CTDP1: variants seen among roughly 807,000 people sequenced by gnomAD.
CTDP1 encodes the protein RNA polymerase II subunit A C-terminal domain phosphatase.
A neutral mutation model predicts 91.8 loss-of-function variants in CTDP1; 47 were observed. That is an observed-to-expected ratio of 0.51 (90% CI 0.41 to 0.65). The LOEUF (loss-of-function observed/expected upper bound fraction) is 0.65, where lower values mean the gene tolerates loss of function less well. Ranked by LOEUF, CTDP1 falls within the 30% of genes least tolerant of loss-of-function variation. The pLI is 0.00. For missense variants in CTDP1, 1,272 were observed against 1,373.7 expected (o/e 0.93, Z 1.17); for synonymous variants, 656 against 598.5 (o/e 1.10, Z -1.40).
intron 4 of CTDP1, among the ~76,000 whole-genome samples, chr18:79,699,230 G>A (rs916823622): frequency 1.3e-5 from 2 of 152,006 alleles, no homozygotes; most frequent in Non-Finnish European, 2.9e-5. Context: ...AGATTGCTTC[G>A]TTCATACCCG....
Position 79,715,115 on chromosome 18 carries a change from A to G in CTDP1, c.1655A>G (p.Lys552Arg), listed in dbSNP as rs2086176265. Residue 552 changes from lysine (K) to arginine (R), a missense_variant, in exon 8 of 13, where the codon AAG becomes AGG. Physicochemically the swap from Lys to Arg is conservative, Grantham distance 26. Around this residue, in one of 3 missense-constraint regions of CTDP1, gnomAD observed 881 missense variants for 911.6 expected, o/e 0.97. Coordinates refer to ENST00000613122, the MANE Select transcript of CTDP1 (RefSeq NM_004715.5). ...CGLGNGCADR[K>R]EAETESQNSE... ...CTGGGCAACGGCTGTGCCGACAGGA[A>G]GGAGGCGGAGACCGAGTCACAGAAC... The G allele has an allele frequency of 6.2e-7, 1 of 1,613,232 alleles. No individual in the cohort carries two copies. Among genetic ancestry groups the G allele is most frequent in the Admixed American group, 1.7e-5 (1 of 59,976 alleles).
chr18:79,743,437 A>G (rs2086818449), intron 12 of CTDP1, among the ~76,000 whole-genome samples: 4 of 149,448 alleles, frequency 2.7e-5, no homozygotes, highest in Admixed American at 6.8e-5. Context: ...GAGGCAGGAG[A>G]ATTGCTTGAA....
At chr18:79,712,774 G>A (rs143790953) in intron 6 of CTDP1, among the ~76,000 whole-genome samples, 198 bp from the exon 7 acceptor site, 236 of 152,260 alleles carry the variant, frequency 1.5e-3, no homozygotes, top group African/African-American at 5.4e-3. Context: ...AAGGAGAATC[G>A]GAAACAGCAC....
intron 3 of CTDP1, among the ~76,000 whole-genome samples, chr18:79,697,012 C>CT (rs1245451097): frequency 6.6e-6 from 1 of 152,230 alleles, no homozygotes; most frequent in Non-Finnish European, 1.5e-5. Flanking sequence ...CAATTTCAGT[C>CT]TATCTTTTTA....
At position 79,736,904 on chromosome 18, in the gene CTDP1, G is replaced by GGT. The variant is rs34988895; in HGVS notation, c.2747+385_2747+386dup. On this transcript the variant is annotated intron_variant, in intron 12 of 12. Transcript: ENST00000613122. ...CGCACAGGCGTGTGTGGGTTCTGCA[G>GGT]GTGGGGGGTCTGCACGTGTGCACGC... 6.0e-4 allele frequency among the ~76,000 whole-genome samples: 17 copies of GGT among 28,526 alleles called. No homozygotes were observed. The East Asian group carries it at 0.025, about 42-fold the overall frequency. 18.7% of individuals were successfully genotyped at this position (28,526 alleles called of 152,430 possible). A position where few individuals can be genotyped will look rare whatever the true frequency, so the allele number is the denominator to read the frequency against.
intron 8 of CTDP1, 49 bp downstream of exon 8, chr18:79,715,577 C>T (rs2122638986): frequency 6.6e-7 from 1 of 1,505,154 alleles, no homozygotes; most frequent in Non-Finnish European, 8.9e-7. Flanking sequence ...CCGCGGGCTC[C>T]TTGCAGGCAC....
At chr18:79,751,875 C>A (rs1697614232) in intron 12 of CTDP1, among the ~76,000 whole-genome samples, 1 of 152,224 alleles carries the variant, frequency 6.6e-6, no homozygotes, top group African/African-American at 2.4e-5. Flanking sequence ...AGGGTACTCA[C>A]ATATGGTGAC....
chr18:79,684,722 T>G (rs2085449304), intron 1 of CTDP1, among the ~76,000 whole-genome samples: 1 of 152,248 alleles, frequency 6.6e-6, no homozygotes. Context: ...AGAACCATTC[T>G]GGGAACTTAA....
intron 1 of CTDP1, among the ~76,000 whole-genome samples, chr18:79,682,715 C>T (rs943254334): frequency 6.6e-6 from 1 of 152,264 alleles, no homozygotes. Flanking sequence ...ACTGCGGGAC[C>T]TGAGTATCTG....
At chr18:79,729,128 C>G in intron 11 of CTDP1, 59 bp downstream of exon 11, 1 of 1,605,466 alleles carries the variant, frequency 6.2e-7, no homozygotes, top group Admixed American at 1.7e-5. Flanking sequence ...CCGCAGAGCT[C>G]TGGTGTGCGG....
chr18:79,723,087 G>A (rs146337719), intron 10 of CTDP1, among the ~76,000 whole-genome samples: 1 of 152,336 alleles, frequency 6.6e-6, no homozygotes, highest in Non-Finnish European at 1.5e-5. Context: ...CACTCCACCT[G>A]TATAAACGGG....
At chr18:79,700,866 T>TA (rs1274606887) in intron 4 of CTDP1, among the ~76,000 whole-genome samples, 1 of 152,210 alleles carries the variant, frequency 6.6e-6, no homozygotes, top group Non-Finnish European at 1.5e-5. Context: ...CTGGTGACTT[T>TA]AAGTTGAAGC....
rs2086149076 is a variant in CTDP1 at position 79,714,359 on chromosome 18, C to T, written c.1031-132C>T. The T allele has an allele frequency of 2.5e-5, 26 of 1,021,490 alleles. 1 individual carries two copies. The South Asian group carries it at 3.6e-4, about 14-fold the overall frequency. 63.3% of individuals were successfully genotyped at this position (1,021,490 alleles called of 1,614,324 possible). A position where few individuals can be genotyped will look rare whatever the true frequency, so the allele number is the denominator to read the frequency against. On this transcript the variant is annotated intron_variant, in intron 7 of 12. Transcript: ENST00000613122. ...CTCACCCTGTCCGGCCTCTTCACAG[C>T]AAGGTTGCCAAGGCCTGGTCTAGAG...
rs762794999 is a variant in CTDP1 at position 79,717,559 on chromosome 18, A to C, written c.2093A>C (p.Gln698Pro). 6.2e-7 allele frequency: 1 copy of C among 1,613,702 alleles called. No homozygotes were observed. The highest frequency in any genetic ancestry group is 8.5e-7 in the Non-Finnish European group (1 of 1,179,932). The change falls in exon 9 of 13, where the codon CAG becomes CCG. Residue 698 changes from glutamine to proline, a missense_variant. Around this residue, in one of 3 missense-constraint regions of CTDP1, gnomAD observed 881 missense variants for 911.6 expected, o/e 0.97. Coordinates refer to ENST00000613122, the MANE Select transcript of CTDP1 (RefSeq NM_004715.5). Reference protein sequence around the residue: ...RAGTEKVLQAQECGHLHVVNP... With the variant: ...RAGTEKVLQAPECGHLHVVNP... Reference sequence around the variant, plus strand: ...GGCACAGAGAAGGTGCTGCAGGCACAGGAGTGCGGACACCTGCACGTGGTC... The same window carrying C: ...GGCACAGAGAAGGTGCTGCAGGCACCGGAGTGCGGACACCTGCACGTGGTC...
At chr18:79,718,130 A>C (rs987304837) in intron 10 of CTDP1, 114 bp downstream of exon 10, 10 of 1,226,224 alleles carry the variant, frequency 8.2e-6, no homozygotes, top group Non-Finnish European at 1.0e-5. Flanking sequence ...TGGAGGCTGC[A>C]GACGGTGACT....
At chr18:79,705,013 C>G in intron 5 of CTDP1, 96 bp downstream of exon 5, 5 of 1,558,928 alleles carry the variant, frequency 3.2e-6, no homozygotes, top group Non-Finnish European at 4.4e-6. Flanking sequence ...AAAAGAAGCT[C>G]TCCTGCAACT....
chr18:79,679,912 GC>G lies in CTDP1; in HGVS notation c.-32del. Reference sequence around the variant, plus strand: ...GCGCTGCGCTCTGAGCGCAGCGCAGGCCCCGTACCGACCGCCCGCCCGCCCT... The same window carrying G: ...GCGCTGCGCTCTGAGCGCAGCGCAGGCCCGTACCGACCGCCCGCCCGCCCT... On this transcript the variant is annotated 5_prime_UTR_variant, in exon 1 of 13. Coordinates refer to ENST00000613122, the MANE Select transcript of CTDP1 (RefSeq NM_004715.5). The G allele has an allele frequency of 7.3e-7, 1 of 1,378,000 alleles. No individual in the cohort carries two copies. 85.4% of individuals were successfully genotyped at this position (1,378,000 alleles called of 1,614,324 possible).
chr18:79,714,384 G>T (rs2086149679), intron 7 of CTDP1, 107 bp from the exon 8 acceptor site: 1 of 1,302,318 alleles, frequency 7.7e-7, no homozygotes, highest in African/African-American at 1.5e-5. Context: ...CTGGTCTAGA[G>T]GGTGGTGGAC....
At chr18:79,733,948 A>G (rs1305390539) in intron 11 of CTDP1, among the ~76,000 whole-genome samples, 2 of 152,034 alleles carry the variant, frequency 1.3e-5, no homozygotes, top group Non-Finnish European at 2.9e-5. Context: ...ATACTTTTAA[A>G]TTTTCCTTAA....
Sources: allele counts gnomAD v4.1 joint callset (sites outside exome capture counted in the v4.1 genomes callset), GRCh38; gene constraint gnomAD v4.1.1; regional missense constraint gnomAD v4.1.1; transcripts MANE v1.5; gene names NCBI Gene and HGNC (gene_info 2026-07-23, HGNC 2026-07-21).